The following OTOGL variants were observed in gnomAD, a reference collection of about 807,000 sequenced individuals.
The protein encoded by OTOGL is otogelin like.
A neutral mutation model predicts 318.5 loss-of-function variants in OTOGL; 285 were observed. The observed-to-expected ratio is 0.89, with a 90% CI of 0.81 to 0.99. The LOEUF is 0.99. Ranked by LOEUF, OTOGL falls within the 50% of genes least tolerant of loss-of-function variation. OTOGL has a pLI of 0.00. For missense variants in OTOGL, 2,899 were observed against 2,845.6 expected (o/e 1.02, Z -0.43); for synonymous variants, 987 against 936.5 (o/e 1.05, Z -0.99).
chr12:80,159,947 A>G (rs1346999490), intron 1 of OTOGL, among the ~76,000 whole-genome samples: 2 of 152,144 alleles, frequency 1.3e-5, no homozygotes, highest in Non-Finnish European at 2.9e-5. Context: ...ATAAAGTCAC[A>G]TACTCACAGC....
Position 80,339,106 on chromosome 12 carries a change from C to T in OTOGL, c.4892C>T (p.Pro1631Leu). 1.2e-6 allele frequency: 2 copies of T among 1,610,322 alleles called. No homozygotes were observed. The highest frequency in any genetic ancestry group is 2.2e-5 in the East Asian group (1 of 44,798). ...GTGGATTCCATTGTTGTGCCTTTGCCCTTTTCAAGTCAGGAACTGTCCATA... is the reference window on the plus strand; with the variant it reads ...GTGGATTCCATTGTTGTGCCTTTGCTCTTTTCAAGTCAGGAACTGTCCATA... ...VEVDSIVVPL[P>L]FSSQELSIED... Residue 1631 changes from proline (P) to leucine (L), a missense_variant, in exon 43 of 59, where the codon CCC becomes CTC. Transcript: ENST00000547103.
intron 14 of OTOGL, 29 bp from the exon 15 acceptor site, chr12:80,254,495 T>C (rs994185066): frequency 2.5e-6 from 4 of 1,576,252 alleles, no homozygotes; most frequent in Non-Finnish European, 3.5e-6. Flanking sequence ...TCTATGCCAA[T>C]AGATTAATAT....
chr12:80,115,278 TG>T (rs1195691130), intron 1 of OTOGL, among the ~76,000 whole-genome samples: 1 of 152,096 alleles, frequency 6.6e-6, no homozygotes, highest in Non-Finnish European at 1.5e-5. Context: ...ATGGAGTTTT[TG>T]TGTGGTCTTC....
chr12:80,234,625 C>T (rs1388078493), intron 9 of OTOGL, among the ~76,000 whole-genome samples: 3 of 152,160 alleles, frequency 2.0e-5, no homozygotes, highest in Non-Finnish European at 2.9e-5. Context: ...TAGTAATACT[C>T]AATACATTTA....
chr12:80,308,811 A>G (rs1401024816), intron 29 of OTOGL, among the ~76,000 whole-genome samples: 11 of 152,238 alleles, frequency 7.2e-5, no homozygotes, highest in Admixed American at 6.5e-4. Context: ...CCAAAAAAAT[A>G]CAAAAACCAG....
intron 7 of OTOGL, among the ~76,000 whole-genome samples, chr12:80,225,240 C>G (rs957247911): frequency 1.3e-5 from 2 of 151,906 alleles, no homozygotes; most frequent in African/African-American, 2.4e-5. Flanking sequence ...CTACTACTCC[C>G]CCACCCCTCA....
intron 1 of OTOGL, among the ~76,000 whole-genome samples, chr12:80,102,159 G>A (rs1027211244): frequency 1.3e-5 from 2 of 152,118 alleles, no homozygotes; most frequent in Non-Finnish European, 2.9e-5. Context: ...GTGTGACTGA[G>A]CAACTTACTT....
intron 9 of OTOGL, among the ~76,000 whole-genome samples, chr12:80,236,955 C>T (rs142480093): frequency 5.0e-4 from 76 of 151,762 alleles, no homozygotes; most frequent in Non-Finnish European, 1.6e-4. Flanking sequence ...GCTGGGATTA[C>T]AGGCGTGCAC....
At chr12:80,244,425 G>T (rs928889647) in intron 11 of OTOGL, among the ~76,000 whole-genome samples, 42 of 148,526 alleles carry the variant, frequency 2.8e-4, no homozygotes, top group African/African-American at 1.1e-3. Context: ...GCCGTGTTTG[G>T]TTTTTTGTTC....
chr12:80,329,432 T>A (rs2137880360), intron 37 of OTOGL, among the ~76,000 whole-genome samples: 1 of 152,362 alleles, frequency 6.6e-6, no homozygotes, highest in African/African-American at 2.4e-5. Flanking sequence ...GTTCTTCATT[T>A]CAGTTCGTGT....
intron 1 of OTOGL, among the ~76,000 whole-genome samples, chr12:80,149,812 G>A (rs995297327): frequency 1.3e-5 from 2 of 152,220 alleles, no homozygotes; most frequent in South Asian, 4.1e-4. Flanking sequence ...CAGTATTCGG[G>A]TGGGAGTGAC....
chr12:80,313,570 C>A lies in OTOGL; in HGVS notation c.3545C>A (p.Ala1182Glu). 1 of 1,612,236 alleles carries A rather than the reference C, an allele frequency of 6.2e-7. No homozygotes were observed. The highest frequency in any genetic ancestry group is 1.1e-5 in the South Asian group (1 of 91,022). Residue 1182 changes from alanine to glutamate, a missense_variant, in exon 31 of 59, where the codon GCA becomes GAA. Ala to Glu is a moderately radical substitution (Grantham distance 107). This residue lies in a region of OTOGL where 2,607 missense variants were observed against 2,524.9 expected (regional missense o/e 1.03). Coordinates refer to ENST00000547103, the MANE Select transcript of OTOGL (RefSeq NM_001378609.3). ...DCECLCTSIA[A>E]YAYKCCQEGI... ...GAGTGTTTGTGCACTAGTATAGCTG[C>A]ATATGCATACAAGTGTTGTCAGGAA...
At chr12:80,344,017 G>A (rs1353885592) in intron 44 of OTOGL, among the ~76,000 whole-genome samples, 1 of 152,182 alleles carries the variant, frequency 6.6e-6, no homozygotes, top group Non-Finnish European at 1.5e-5. Flanking sequence ...AATGACTTTT[G>A]ATGCTGCCCT....
At chr12:80,223,913 C>A (rs1256301566) in intron 7 of OTOGL, among the ~76,000 whole-genome samples, 1 of 151,866 alleles carries the variant, frequency 6.6e-6, no homozygotes, top group African/African-American at 2.4e-5. Flanking sequence ...TCTTTTGCTG[C>A]ATAAAAGCTT....
chr12:80,131,476 A>C (rs1871237201), intron 1 of OTOGL, among the ~76,000 whole-genome samples: 1 of 152,174 alleles, frequency 6.6e-6, no homozygotes, highest in East Asian at 1.9e-4. Context: ...AGCCTGTACA[A>C]AATAATTTTT....
intron 1 of OTOGL, among the ~76,000 whole-genome samples, chr12:80,159,452 G>A (rs1873350641): frequency 6.6e-6 from 1 of 152,010 alleles, no homozygotes; most frequent in African/African-American, 2.4e-5. Context: ...CTGTGAATAT[G>A]TCCAGTCCTG....
intron 1 of OTOGL, among the ~76,000 whole-genome samples, chr12:80,133,845 T>A (rs974469630): frequency 2.0e-5 from 3 of 151,998 alleles, no homozygotes; most frequent in Admixed American, 2.0e-4. Context: ...GTCCAGCTAC[T>A]CGGGAGGCTA....
At chr12:80,216,372 T>G (rs568993682) in intron 4 of OTOGL, among the ~76,000 whole-genome samples, 7 of 152,198 alleles carry the variant, frequency 4.6e-5, no homozygotes, top group Non-Finnish European at 1.0e-4. Flanking sequence ...TTGGCAAGTT[T>G]GGGTGTGTTT....
At chr12:80,321,166 G>T (rs1887307210) in intron 34 of OTOGL, among the ~76,000 whole-genome samples, 1 of 152,096 alleles carries the variant, frequency 6.6e-6, no homozygotes, top group Admixed American at 6.6e-5. Flanking sequence ...TTGACCTCTA[G>T]AAGATTTCTC....
Sources: gnomAD v4.1 joint callset for allele counts (sites outside exome capture counted in the v4.1 genomes callset) on GRCh38, gnomAD v4.1.1 for gene constraint, gnomAD v4.1.1 regional missense constraint, MANE v1.5 for transcripts, NCBI Gene and HGNC (gene_info 2026-07-23, HGNC 2026-07-21) for gene names.